The following SH3BP2 variants were observed in gnomAD, a reference collection of about 807,000 sequenced individuals.
SH3BP2 encodes the protein SH3 domain-binding protein 2.
Under a neutral mutation model 56.2 loss-of-function variants are expected in SH3BP2, and 38 were observed. The ratio of observed to expected loss-of-function variants is 0.68; its 90% CI spans 0.52 to 0.89. The LOEUF (loss-of-function observed/expected upper bound fraction) is 0.89, where lower values mean the gene tolerates loss of function less well. Among genes scored for constraint, SH3BP2 ranks in the 40% least tolerant of loss-of-function variants. The probability of loss-of-function intolerance (pLI) is 0.00; values close to 1 mark genes in which losing one functional copy is unlikely to be tolerated. For synonymous variants in SH3BP2, 346 were observed against 316.7 expected (o/e 1.09, Z -0.98); for missense variants, 748 against 762.6 (o/e 0.98, Z 0.23).
rs886059369 is a variant in SH3BP2, at chr4:2,836,940, A to T, written c.*3106A>T. On this transcript the variant is annotated 3_prime_UTR_variant, in exon 13 of 13. Transcript: ENST00000503393. ...AAGGGCCCCAGTGGCTTTGGGAAGC[A>T]CCCCCAGCCCAGGGTGAAACATGCT... The T allele has an allele frequency of 6.6e-6, 1 of 152,128 alleles. No homozygotes were observed. Among genetic ancestry groups the T allele is most frequent in the Admixed American group, 6.5e-5 (1 of 15,276 alleles). The allele number at this position is 152,128 out of a possible 1,614,324, so 9.4% of individuals were successfully genotyped here.
In SH3BP2 at chr4:2,810,506, C is replaced by G. The variant is rs1487835514; in HGVS notation, c.-4-10108C>G. 4.6e-5 allele frequency among the ~76,000 whole-genome samples: 7 copies of G among 151,806 alleles called. No homozygotes were observed. The highest frequency in any genetic ancestry group is 1.7e-4 in the African/African-American group (7 of 41,284). ...CTTGTCCGCTCTTGCATTTGCCTGC[C>G]CAGTAAGGGGTGGCGTGTTCCTGAG... On this transcript the variant is annotated intron_variant, in intron 1 of 12. Transcript: ENST00000503393. The surrounding 1 kb of genome is among the most constrained non-coding windows in gnomAD (Gnocchi z 4.2).
chr4:2,829,474 G>A lies in SH3BP2; in HGVS notation c.587-19G>A, dbSNP rs780910191. The A allele has an allele frequency of 1.1e-5, 17 of 1,613,096 alleles. 1 individual carries two copies. The highest frequency in any genetic ancestry group is 7.7e-5 in the South Asian group (7 of 91,070). ...CCCAGTCTCTGTCAGGGTCCAACCC[G>A]GGTCTCTTTGCTCTGCAGATGCCCT... is the stretch of plus-strand genomic sequence containing the variant. On this transcript the variant is annotated intron_variant, in intron 7 of 12. Transcript: ENST00000503393. The surrounding 1 kb of genome is among the most constrained non-coding windows in gnomAD (Gnocchi z 4.9).
At chr4:2,833,508 A>C in intron 12 of SH3BP2, 189 bp from the exon 13 acceptor site, 1 of 683,710 alleles carries the variant, frequency 1.5e-6, no homozygotes, top group Non-Finnish European at 2.6e-6. Flanking sequence ...ACGGAGGGGA[A>C]GTGAGGTGGG....
chr4:2,822,219 G>T (rs565566712), intron 2 of SH3BP2, among the ~76,000 whole-genome samples: 2 of 151,798 alleles, frequency 1.3e-5, no homozygotes, highest in South Asian at 2.1e-4. Flanking sequence ...CAGTGGGTGC[G>T]AACACAGCTC....
chr4:2,829,617 C>T lies in SH3BP2; in HGVS notation c.711C>T (p.Pro237=). The T allele has an allele frequency of 1.9e-6, 3 of 1,612,724 alleles. No homozygotes were observed. Among genetic ancestry groups the T allele is most frequent in the South Asian group, 1.1e-5 (1 of 91,050 alleles). Residue 237 remains proline (P), a synonymous_variant, in exon 8 of 13, where the codon CCC becomes CCT. Transcript: ENST00000503393. The surrounding 1 kb of genome is among the most constrained non-coding windows in gnomAD (Gnocchi z 4.9). ...TSKGPGPLLP[P]PPPKHGLPDV... is the part of the protein sequence containing the mutation. Reference sequence around the variant, plus strand: ...AGGGCCCCGGTCCCCTACTGCCACCCCCGCCCCCTAAGCACGGCCTCCCAG... The same window carrying T: ...AGGGCCCCGGTCCCCTACTGCCACCTCCGCCCCCTAAGCACGGCCTCCCAG...
intron 1 of SH3BP2, among the ~76,000 whole-genome samples, chr4:2,803,832 G>A (rs1327176762): frequency 2.6e-5 from 4 of 152,198 alleles, no homozygotes; most frequent in East Asian, 3.8e-4. Flanking sequence ...ATGTGTCAAC[G>A]TGTCTGGGTG....
chr4:2,833,787 C>A lies in SH3BP2; in HGVS notation c.1639C>A (p.Gln547Lys), dbSNP rs1467311149. ...CCACACCCACGTGCTGCCCAGCCAC[C>A]AGAGCCTGCTGCTGCGGCACCCCTA... ...HYHTHVLPSH[Q>K]SLLLRHPYGY... The change falls in exon 13 of 13, where the codon CAG (glutamine) becomes AAG (lysine). Residue 547 changes from glutamine (Q) to lysine (K), a missense_variant. Gln to Lys is a moderately conservative substitution (Grantham distance 53). Coordinates refer to ENST00000503393, the MANE Select transcript of SH3BP2 (RefSeq NM_001122681.2). The A allele has an allele frequency of 1.3e-6, 2 of 1,597,290 alleles. No individual in the cohort carries two copies. Among genetic ancestry groups the A allele is most frequent in the Non-Finnish European group, 1.7e-6 (2 of 1,171,904 alleles).
At chr4:2,802,165 G>A (rs1179144733) in intron 1 of SH3BP2, among the ~76,000 whole-genome samples, 2 of 152,098 alleles carry the variant, frequency 1.3e-5, no homozygotes, top group Admixed American at 6.5e-5. Flanking sequence ...TTGGGAGGCC[G>A]AGGCCGGCAG....
In SH3BP2 at chr4:2,822,088, G is replaced by A. The variant is rs1034651204; in HGVS notation, c.137-847G>A. 2.6e-5 allele frequency among the ~76,000 whole-genome samples: 4 copies of A among 151,940 alleles called. No homozygotes were observed. The South Asian group carries it at 8.3e-4, about 32-fold the overall frequency. The stretch of plus-strand genomic sequence containing the variant: ...TCACCATGTTGGTCAGCCTGGTCTC[G>A]AACTCCTGACTTCAAGTGATCCTGT... On this transcript the variant is annotated intron_variant, in intron 2 of 12. Coordinates refer to ENST00000503393, the MANE Select transcript of SH3BP2 (RefSeq NM_001122681.2).
At chr4:2,818,940 T>TTTTTAA (rs1724151758) in intron 1 of SH3BP2, 1 of 969,322 alleles carries the variant, frequency 1.0e-6, no homozygotes, top group African/African-American at 1.8e-5. Flanking sequence ...ATTTATTTTG[T>TTTTTAA]TTTTAATTTT....
chr4:2,820,485 T>A, intron 1 of SH3BP2, 129 bp from the exon 2 acceptor site: 5 of 1,215,608 alleles, frequency 4.1e-6, no homozygotes, highest in Non-Finnish European at 6.0e-6. Context: ...GAAAAGGGGT[T>A]TCCTTGCCTG....
At chr4:2,796,474 G>A in intron 1 of SH3BP2, 5 of 985,272 alleles carry the variant, frequency 5.1e-6, no homozygotes, top group Non-Finnish European at 6.0e-6. Context: ...ACGCCCTGAG[G>A]TGACTGGCCC....
intron 7 of SH3BP2, 44 bp downstream of exon 7, chr4:2,827,718 AGCAGGG>A: frequency 2.7e-6 from 4 of 1,468,120 alleles, no homozygotes; most frequent in Middle Eastern, 3.5e-4. Flanking sequence ...GTGTGTAGGA[AGCAGGG>A]GCTGGGACCG....
Position 2,833,204 on chromosome 4 carries a change from A to T in SH3BP2, c.1548+155A>T. ...TCCCCTCCACCATCGCTCACCCCCCACCCCTCCTGCTCAGCCTCCCTCCTC... is the reference window on the plus strand; with the variant it reads ...TCCCCTCCACCATCGCTCACCCCCCTCCCCTCCTGCTCAGCCTCCCTCCTC... On this transcript the variant is annotated intron_variant, in intron 12 of 12. Coordinates refer to ENST00000503393, the MANE Select transcript of SH3BP2 (RefSeq NM_001122681.2). The T allele has an allele frequency of 7.4e-6, 5 of 678,428 alleles. No homozygotes were observed. The Admixed American group carries it at 1.1e-4, about 15-fold the overall frequency. The allele number at this position is 678,428 out of a possible 1,614,324, so 42.0% of individuals were successfully genotyped here.
At chr4:2,826,644 G>C in intron 5 of SH3BP2, 1 of 346,226 alleles carries the variant, frequency 2.9e-6, no homozygotes, top group East Asian at 7.7e-5. Flanking sequence ...CTCTGTGTGT[G>C]TGTGCATGTC....
At chr4:2,827,141 G>A (rs761207895) in intron 5 of SH3BP2, 89 bp from the exon 6 acceptor site, 37 of 961,858 alleles carry the variant, frequency 3.8e-5, no homozygotes, top group Non-Finnish European at 5.5e-5. Context: ...CCATGTATCC[G>A]CGTGTGCCTG....
At chr4:2,811,661 T>C (rs56283754) in intron 1 of SH3BP2, 3,513 of 154,436 alleles carry the variant, frequency 0.023, 64 homozygotes, top group Middle Eastern at 0.12. Context: ...ATGTACTTTC[T>C]AGCAAACCAG....
rs1251452858 is a variant in SH3BP2, at chr4:2,824,791, G to A, written c.357+61G>A. On this transcript the variant is annotated intron_variant, in intron 4 of 12. Transcript: ENST00000503393. The stretch of plus-strand genomic sequence containing the variant: ...GGGGGTGTGGGCCTGCAGGCACCAG[G>A]CTGGACCTGCCTTGGGGGCTCGCTG... The A allele has an allele frequency of 3.9e-6, 5 of 1,283,484 alleles. No homozygotes were observed. The East Asian group carries it at 1.2e-4, about 30-fold the overall frequency. The allele number at this position is 1,283,484 out of a possible 1,614,324, so 79.5% of individuals were successfully genotyped here.
intron 1 of SH3BP2, chr4:2,818,089 G>T: frequency 4.7e-6 from 2 of 427,680 alleles, no homozygotes; most frequent in Non-Finnish European, 6.3e-6. Flanking sequence ...GCCCGCAGGG[G>T]GCTCACGTGC....
Sources: allele counts gnomAD v4.1 joint callset (sites outside exome capture counted in the v4.1 genomes callset), GRCh38; gene constraint gnomAD v4.1.1; non-coding constraint Gnocchi (gnomAD v3.1); transcripts MANE v1.5; gene names NCBI Gene and HGNC (gene_info 2026-07-23, HGNC 2026-07-21).